The following AGBL3 variants were observed in gnomAD, a reference collection of about 807,000 sequenced individuals.
The protein encoded by AGBL3 is cytosolic carboxypeptidase 3.
AGBL3 carries 68 observed loss-of-function variants against 94.5 expected under a neutral mutation model. The ratio of observed to expected loss-of-function variants is 0.72; its 90% CI spans 0.59 to 0.88. The LOEUF (loss-of-function observed/expected upper bound fraction) is 0.88, where lower values mean the gene tolerates loss of function less well. Among genes scored for constraint, AGBL3 ranks in the 40% least tolerant of loss-of-function variants. The pLI is 0.00. For synonymous variants in AGBL3, 354 were observed against 370.7 expected (o/e 0.95, Z 0.52); for missense variants, 934 against 1,103.8 (o/e 0.85, Z 2.18).
intron 16 of AGBL3, chr7:135,128,994 T>C (rs1360961429): frequency 1.9e-5 from 31 of 1,597,636 alleles, no homozygotes; most frequent in Non-Finnish European, 2.7e-5. Context: ...GCATGTGTAC[T>C]GCAAAGACTG....
At chr7:135,077,806 A>G (rs1437620575) in intron 13 of AGBL3, among the ~76,000 whole-genome samples, 1 of 151,912 alleles carries the variant, frequency 6.6e-6, no homozygotes, top group East Asian at 1.9e-4. Flanking sequence ...GCTCGAGCTC[A>G]CTCCTGAGAT....
intron 15 of AGBL3, among the ~76,000 whole-genome samples, chr7:135,106,143 T>C (rs1824680165): frequency 6.6e-6 from 1 of 152,050 alleles, no homozygotes; most frequent in Non-Finnish European, 1.5e-5. Context: ...GGGCCAAGAC[T>C]GAGGTTTTCT....
chr7:135,004,304 A>G (rs1046683185), intron 4 of AGBL3, among the ~76,000 whole-genome samples: 1 of 151,602 alleles, frequency 6.6e-6, no homozygotes, highest in Non-Finnish European at 1.5e-5. Flanking sequence ...ATTGTGGATA[A>G]TTTTTAGTGG....
intron 16 of AGBL3, among the ~76,000 whole-genome samples, chr7:135,121,525 T>C (rs145964095): frequency 5.8e-4 from 83 of 142,004 alleles, no homozygotes; most frequent in African/African-American, 2.0e-3. Flanking sequence ...GGAATCCAAC[T>C]AGAAATCAAT....
chr7:135,091,660 A>G (rs1821870793), intron 15 of AGBL3, among the ~76,000 whole-genome samples: 1 of 152,228 alleles, frequency 6.6e-6, no homozygotes, highest in Non-Finnish European at 1.5e-5. Flanking sequence ...GTTCTCTAAC[A>G]TGACATGAAA....
intron 3 of AGBL3, among the ~76,000 whole-genome samples, chr7:134,990,303 G>A (rs2252411): frequency 0.46 from 70,170 of 152,008 alleles, 17,020 homozygotes; most frequent in African/African-American, 0.62. Flanking sequence ...AGTGATTTGC[G>A]TTCCCTCCCC....
At chr7:135,133,960 A>G (rs1380820628) in intron 16 of AGBL3, among the ~76,000 whole-genome samples, 1 of 152,138 alleles carries the variant, frequency 6.6e-6, no homozygotes, top group African/African-American at 2.4e-5. Flanking sequence ...TGAGAAAAAA[A>G]AAAGCTGATC....
At chr7:135,113,715 A>G (rs540983905) in intron 15 of AGBL3, among the ~76,000 whole-genome samples, 62 of 152,334 alleles carry the variant, frequency 4.1e-4, no homozygotes, top group African/African-American at 1.3e-3. Flanking sequence ...TAAGTGTACA[A>G]TTCAGTAGTG....
chr7:134,999,377 T>C (rs1811425527), intron 4 of AGBL3, among the ~76,000 whole-genome samples: 1 of 152,210 alleles, frequency 6.6e-6, no homozygotes, highest in Non-Finnish European at 1.5e-5. Context: ...AATCTGCCCA[T>C]AGCCACCTGC....
chr7:135,047,555 G>T (rs964112350), intron 11 of AGBL3, among the ~76,000 whole-genome samples: 3 of 151,870 alleles, frequency 2.0e-5, no homozygotes, highest in African/African-American at 4.8e-5. Flanking sequence ...TTGGTTTTTT[G>T]ATGACAGCCA....
chr7:135,047,038 T>C (rs936664370), intron 11 of AGBL3, among the ~76,000 whole-genome samples: 7 of 152,044 alleles, frequency 4.6e-5, no homozygotes, highest in African/African-American at 1.2e-4. Flanking sequence ...CTAGAGTTTA[T>C]GCATCTTGCT....
At chr7:135,084,324 T>C (rs1821160601) in intron 15 of AGBL3, among the ~76,000 whole-genome samples, 1 of 152,132 alleles carries the variant, frequency 6.6e-6, no homozygotes, top group Admixed American at 6.6e-5. Flanking sequence ...CCTCAAACAG[T>C]TATCATTTCT....
intron 7 of AGBL3, 127 bp from the exon 8 acceptor site, chr7:135,037,291 T>G: frequency 1.5e-6 from 1 of 689,410 alleles, no homozygotes; most frequent in Non-Finnish European, 2.2e-6. Flanking sequence ...ATATGCAATA[T>G]AGATAAGAGA....
chr7:135,026,244 A>ATTATT lies in AGBL3; in HGVS notation c.419-6556_419-6552dup, dbSNP rs1554497685. ...TGCAATAAAAATAGAAATGAATACC[A>ATTATT]TTATTTTATTTTATTTTATTTTATT... On this transcript the variant is annotated intron_variant, in intron 5 of 16. Coordinates refer to ENST00000436302, the MANE Select transcript of AGBL3 (RefSeq NM_178563.4). Among the ~76,000 whole-genome samples the ATTATT allele has an allele frequency of 6.9e-3, 566 of 81,468 alleles. 5 individuals carry two copies. Among genetic ancestry groups the ATTATT allele is most frequent in the Non-Finnish European group, 9.7e-3 (357 of 36,792 alleles). 53.4% of individuals were successfully genotyped at this position (81,468 alleles called of 152,430 possible).
chr7:135,078,125 G>GA (rs1054401319), intron 13 of AGBL3, among the ~76,000 whole-genome samples: 6 of 152,316 alleles, frequency 3.9e-5, no homozygotes, highest in African/African-American at 1.2e-4. Context: ...ACTGGAGTCA[G>GA]AAAAAATCTT....
At chr7:135,111,779 A>G (rs1039170891) in intron 15 of AGBL3, among the ~76,000 whole-genome samples, 2 of 152,166 alleles carry the variant, frequency 1.3e-5, no homozygotes, top group African/African-American at 4.8e-5. Flanking sequence ...ACAGTAGTCC[A>G]TCCTTTGGTC....
At chr7:135,095,126 C>T (rs530879220) in intron 15 of AGBL3, among the ~76,000 whole-genome samples, 11 of 152,220 alleles carry the variant, frequency 7.2e-5, no homozygotes, top group East Asian at 1.9e-4. Flanking sequence ...ATCCTATTTT[C>T]GGGGAGGGAT....
intron 4 of AGBL3, among the ~76,000 whole-genome samples, chr7:135,004,048 A>T (rs1390933651): frequency 6.6e-6 from 1 of 151,680 alleles, no homozygotes; most frequent in African/African-American, 2.4e-5. Flanking sequence ...TTTCTCATTA[A>T]GCAAATTATT....
chr7:134,994,917 ATC>A (rs557746360), intron 4 of AGBL3, among the ~76,000 whole-genome samples: 33 of 152,174 alleles, frequency 2.2e-4, no homozygotes, highest in Non-Finnish European at 3.4e-4. Context: ...AGTATAGGAC[ATC>A]TCTCTCTCTT....
Sources: gnomAD v4.1 joint callset for allele counts (sites outside exome capture counted in the v4.1 genomes callset) on GRCh38, gnomAD v4.1.1 for gene constraint, MANE v1.5 for transcripts, NCBI Gene and HGNC (gene_info 2026-07-23, HGNC 2026-07-21) for gene names.